Variants in BMPR1B observed in about 807,000 individuals in gnomAD.
BMPR1B encodes bone morphogenetic protein receptor type-1B.
In BMPR1B, 12 loss-of-function variants were observed where a neutral mutation model predicts 59.1. The ratio of observed to expected loss-of-function variants is 0.20; its 90% CI spans 0.13 to 0.33. BMPR1B has a LOEUF of 0.33. Among genes scored for constraint, BMPR1B ranks in the 10% least tolerant of loss-of-function variants. BMPR1B has a pLI of 1.00. For synonymous variants in BMPR1B, 237 were observed against 207.3 expected (o/e 1.14, Z -1.23); for missense variants, 550 against 610.9 (o/e 0.90, Z 1.05).
intron 1 of BMPR1B, among the ~76,000 whole-genome samples, chr4:94,834,659 C>A (rs1724729659): frequency 7.7e-6 from 1 of 129,372 alleles, no homozygotes; most frequent in South Asian, 2.5e-4. Flanking sequence ...TAGTTTAGAA[C>A]CTTATGAACT....
At chr4:95,007,817 T>G (rs1722956134) in intron 3 of BMPR1B, among the ~76,000 whole-genome samples, 1 of 152,092 alleles carries the variant, frequency 6.6e-6, no homozygotes, top group African/African-American at 2.4e-5. Flanking sequence ...TATATGAAAA[T>G]ATAAAGAAAT....
chr4:95,120,610 T>TTCCTTCCTTCC (rs1732408864), intron 6 of BMPR1B, among the ~76,000 whole-genome samples: 10 of 122,586 alleles, frequency 8.2e-5, no homozygotes, highest in African/African-American at 1.8e-4. Context: ...ATAGCCTGCC[T>TTCCTTCCTTCC]TTCCTTCCTT....
At chr4:94,897,394 G>A (rs1041093749) in intron 2 of BMPR1B, among the ~76,000 whole-genome samples, 1 of 151,954 alleles carries the variant, frequency 6.6e-6, no homozygotes, top group Admixed American at 6.6e-5. Context: ...GGGAATTTTG[G>A]CTGTTAAGGT....
intron 3 of BMPR1B, among the ~76,000 whole-genome samples, chr4:95,045,010 A>C (rs1725936609): frequency 2.6e-5 from 4 of 152,160 alleles, no homozygotes; most frequent in African/African-American, 7.2e-5. Context: ...AAAGTTTGAA[A>C]AACATTTTAG....
At chr4:94,802,498 C>T (rs1343252253) in intron 1 of BMPR1B, among the ~76,000 whole-genome samples, 2 of 152,172 alleles carry the variant, frequency 1.3e-5, no homozygotes, top group South Asian at 2.1e-4. Flanking sequence ...ATAGAGAAGG[C>T]GTTGTGGTGA....
At chr4:94,873,849 G>A (rs1177274470) in intron 1 of BMPR1B, among the ~76,000 whole-genome samples, 2 of 152,116 alleles carry the variant, frequency 1.3e-5, no homozygotes, top group Non-Finnish European at 2.9e-5. Context: ...GTATATTCAC[G>A]TTATTGTGCA....
intron 3 of BMPR1B, among the ~76,000 whole-genome samples, chr4:95,014,170 T>C (rs1257221625): frequency 6.6e-6 from 1 of 152,230 alleles, no homozygotes; most frequent in Non-Finnish European, 1.5e-5. Context: ...TTGAGACAGC[T>C]AATAAGTAGT....
Position 94,787,209 on chromosome 4 carries a change from C to T in BMPR1B, c.-183+29141C>T, listed in dbSNP as rs369689633. On this transcript the variant is annotated intron_variant, in intron 1 of 12. Transcript: ENST00000515059. ...GCATCCTTACCAGAATTGACATATACTCCACGTAGAGGTTTTTTATTCCCC... is the reference window on the plus strand; with the variant it reads ...GCATCCTTACCAGAATTGACATATATTCCACGTAGAGGTTTTTTATTCCCC... Among the ~76,000 whole-genome samples, 14 of 152,250 alleles carry T rather than the reference C, an allele frequency of 9.2e-5. No homozygotes were observed. The South Asian group carries it at 1.7e-3, about 18-fold the overall frequency.
rs1731129326 is a variant in BMPR1B, at chr4:95,105,384, G to A, written c.143+817G>A. Reference sequence around the variant, plus strand: ...GAGAGGGCGTGGACTTAAATAGAAAGGTGGACTGCTAGGTTTAGAGCCCAG... The same window carrying A: ...GAGAGGGCGTGGACTTAAATAGAAAAGTGGACTGCTAGGTTTAGAGCCCAG... On this transcript the variant is annotated intron_variant, in intron 4 of 12. Coordinates refer to ENST00000515059, the MANE Select transcript of BMPR1B (RefSeq NM_001203.3). Among the ~76,000 whole-genome samples the A allele has an allele frequency of 2.0e-5, 3 of 152,100 alleles. No homozygotes were observed. In the Middle Eastern group the frequency reaches 0.01, roughly 521 times the overall value.
intron 1 of BMPR1B, among the ~76,000 whole-genome samples, chr4:94,803,581 C>T (rs1578661880): frequency 6.6e-6 from 1 of 152,118 alleles, no homozygotes; most frequent in Admixed American, 6.5e-5. Context: ...TCTTCTTTCT[C>T]CTAGGTCGTC....
At chr4:95,097,239 A>T (rs1413580099) in intron 3 of BMPR1B, among the ~76,000 whole-genome samples, 2 of 150,836 alleles carry the variant, frequency 1.3e-5, no homozygotes, top group East Asian at 3.9e-4. Flanking sequence ...AGAAAGAGGG[A>T]AGAAGAGAGA....
At chr4:94,871,429 T>C (rs1448002760) in intron 1 of BMPR1B, among the ~76,000 whole-genome samples, 1 of 152,218 alleles carries the variant, frequency 6.6e-6, no homozygotes, top group Non-Finnish European at 1.5e-5. Flanking sequence ...ACCTTCAAGA[T>C]TGTTAATATG....
intron 8 of BMPR1B, among the ~76,000 whole-genome samples, chr4:95,129,073 G>T (rs1733112682): frequency 6.6e-6 from 1 of 152,020 alleles, no homozygotes; most frequent in Admixed American, 6.6e-5. Flanking sequence ...CCATGATCAA[G>T]TTGTATGGTG....
At chr4:95,035,464 G>C (rs2149163676) in intron 3 of BMPR1B, among the ~76,000 whole-genome samples, 1 of 152,194 alleles carries the variant, frequency 6.6e-6, no homozygotes, top group Middle Eastern at 3.4e-3. Context: ...TGTACGATGA[G>C]AGGTGAGGAT....
chr4:95,032,268 T>A (rs988121049), intron 3 of BMPR1B, among the ~76,000 whole-genome samples: 3 of 150,628 alleles, frequency 2.0e-5, no homozygotes, highest in Admixed American at 1.3e-4. Flanking sequence ...AGAGAGAGAG[T>A]GAGAGAGAGC....
Position 94,949,477 on chromosome 4 carries a change from C to T in BMPR1B, c.-112-46563C>T, listed in dbSNP as rs1360896304. On this transcript the variant is annotated intron_variant, in intron 2 of 12. Transcript: ENST00000515059. Reference sequence around the variant, plus strand: ...GACTACAGGCGCCTGCCACCGCGCCCGGCTGATTTTTTGTATTTTTAGTAG... The same window carrying T: ...GACTACAGGCGCCTGCCACCGCGCCTGGCTGATTTTTTGTATTTTTAGTAG... Among the ~76,000 whole-genome samples the T allele has an allele frequency of 1.4e-4, 15 of 106,896 alleles. 1 individual carries two copies. The highest frequency in any genetic ancestry group is 4.3e-4 in the Admixed American group (5 of 11,606). The allele number at this position is 106,896 out of a possible 152,430, so 70.1% of individuals were successfully genotyped here.
At chr4:94,789,627 T>G (rs181592327) in intron 1 of BMPR1B, among the ~76,000 whole-genome samples, 1 of 152,256 alleles carries the variant, frequency 6.6e-6, no homozygotes. Context: ...AATAAGTCAT[T>G]AGCAAAAAAC....
At chr4:94,898,915 A>T (rs73836186) in intron 2 of BMPR1B, among the ~76,000 whole-genome samples, 2 of 152,170 alleles carry the variant, frequency 1.3e-5, no homozygotes, top group South Asian at 4.1e-4. Context: ...GCTGTTACAA[A>T]TTACACAAAT....
At chr4:95,145,239 G>A (rs867623315) in intron 10 of BMPR1B, among the ~76,000 whole-genome samples, 1 of 152,126 alleles carries the variant, frequency 6.6e-6, no homozygotes, top group Non-Finnish European at 1.5e-5. Context: ...TCCTCTGTAT[G>A]ATTTTATAAT....
Sources: gnomAD v4.1 joint callset for allele counts (sites outside exome capture counted in the v4.1 genomes callset) on GRCh38, gnomAD v4.1.1 for gene constraint, MANE v1.5 for transcripts, NCBI Gene and HGNC (gene_info 2026-07-23, HGNC 2026-07-21) for gene names.